The following ANKRD31 variants were observed in gnomAD, a reference collection of about 807,000 sequenced individuals.
ANKRD31 encodes the protein ankyrin repeat domain-containing protein 31.
A neutral mutation model predicts 186.0 loss-of-function variants in ANKRD31; 147 were observed. The ratio of observed to expected loss-of-function variants is 0.79; its 90% CI spans 0.69 to 0.91. The LOEUF is 0.91. Ranked by LOEUF, ANKRD31 falls within the 40% of genes least tolerant of loss-of-function variation. The probability of loss-of-function intolerance (pLI) is 0.00; values close to 1 mark genes in which losing one functional copy is unlikely to be tolerated. For missense variants in ANKRD31, 1,986 were observed against 2,148.8 expected (o/e 0.92, Z 1.50); for synonymous variants, 673 against 736.4 (o/e 0.91, Z 1.39).
Position 75,196,674 on chromosome 5 carries a change from T to C in ANKRD31, c.448-474A>G, listed in dbSNP as rs552752436. On this transcript the variant is annotated intron_variant, in intron 6 of 25. Transcript: ENST00000506364. ...TTTGTAGGAATAAGTAAATGTGGAG[T>C]AAAGAGGCCAAAGGACAAGAGGTCA... 2.0e-5 allele frequency among the ~76,000 whole-genome samples: 3 copies of C among 152,134 alleles called. No individual in the cohort carries two copies. In the East Asian group the frequency reaches 5.8e-4, roughly 29 times the overall value.
Position 75,141,621 on chromosome 5 carries a change from G to C in ANKRD31, c.3595+2380C>G, listed in dbSNP as rs575975704. On this transcript the variant is annotated intron_variant, in intron 15 of 25. Transcript: ENST00000506364. ...CCACTGCACTCCAGCCTGGGTGACA[G>C]AGCGAGACTCCGTTTCAAAAAAAGA... 1.8e-4 allele frequency among the ~76,000 whole-genome samples: 27 copies of C among 152,152 alleles called. No homozygotes were observed. The South Asian group carries it at 5.2e-3, about 29-fold the overall frequency.
At position 75,197,503 on chromosome 5, in the gene ANKRD31, A is replaced by G. The variant is rs574620575; in HGVS notation, c.448-1303T>C. On this transcript the variant is annotated intron_variant, in intron 6 of 25. Coordinates refer to ENST00000506364, the MANE Select transcript of ANKRD31 (RefSeq NM_001372053.1). ...TTTATTCTTCCTCCTGTCCTTTTCT[A>G]CCTGCCACCTTTATGTACTTTGTAT... Among the ~76,000 whole-genome samples the G allele has an allele frequency of 9.2e-5, 14 of 152,258 alleles. No individual in the cohort carries two copies. In the East Asian group the frequency reaches 2.7e-3, roughly 29 times the overall value.
intron 17 of ANKRD31, among the ~76,000 whole-genome samples, chr5:75,123,206 AAAAAT>A (rs1434730800): frequency 2.0e-5 from 3 of 152,058 alleles, no homozygotes; most frequent in African/African-American, 7.2e-5. Context: ...AATAGCTACA[AAAAAT>A]AAAATAAAAT....
At chr5:75,119,656 T>C (rs1458645935) in intron 17 of ANKRD31, among the ~76,000 whole-genome samples, 1 of 152,246 alleles carries the variant, frequency 6.6e-6, no homozygotes, top group Non-Finnish European at 1.5e-5. Flanking sequence ...CCAAGTTCTC[T>C]GAGAAATCTC....
At chr5:75,209,992 T>A (rs771097751) in intron 4 of ANKRD31, among the ~76,000 whole-genome samples, 4 of 152,174 alleles carry the variant, frequency 2.6e-5, no homozygotes, top group Non-Finnish European at 5.9e-5. Context: ...GTAAATACCA[T>A]GAAATAGGCA....
intron 11 of ANKRD31, among the ~76,000 whole-genome samples, chr5:75,163,402 C>T (rs111922992): frequency 2.0e-3 from 297 of 152,272 alleles, no homozygotes; most frequent in African/African-American, 5.7e-3. Flanking sequence ...CTGATCTGAA[C>T]GTGTGCTATT....
intron 17 of ANKRD31, among the ~76,000 whole-genome samples, chr5:75,126,228 G>A (rs1218817387): frequency 2.0e-5 from 3 of 152,120 alleles, no homozygotes; most frequent in African/African-American, 7.2e-5. Context: ...GATCACCTGA[G>A]GTCAGGAGTT....
At chr5:75,172,660 C>T (rs1753435863) in intron 10 of ANKRD31, among the ~76,000 whole-genome samples, 2 of 152,184 alleles carry the variant, frequency 1.3e-5, no homozygotes, top group African/African-American at 4.8e-5. Flanking sequence ...AATTCCTCGA[C>T]ACATACACCC....
At position 75,193,609 on chromosome 5, in the gene ANKRD31, C is replaced by T; in HGVS notation, c.1018-18G>A. On this transcript the variant is annotated intron_variant, in intron 7 of 25. Coordinates refer to ENST00000506364, the MANE Select transcript of ANKRD31 (RefSeq NM_001372053.1). ...TGCAGAGTCTGCAAATACGTAAATA[C>T]ATCCACAAAAAATTACAACACTGCA... 1 of 1,506,548 alleles carries T rather than the reference C, an allele frequency of 6.6e-7. No individual in the cohort carries two copies. The highest frequency in any genetic ancestry group is 8.8e-7 in the Non-Finnish European group (1 of 1,132,624). 93.3% of individuals were successfully genotyped at this position (1,506,548 alleles called of 1,614,324 possible).
intron 11 of ANKRD31, among the ~76,000 whole-genome samples, chr5:75,166,606 C>G (rs771765556): frequency 2.0e-5 from 3 of 152,180 alleles, no homozygotes; most frequent in Non-Finnish European, 4.4e-5. Context: ...TTCATTTCAA[C>G]ATCCCATACA....
chr5:75,186,089 G>A (rs1299724750), intron 10 of ANKRD31, among the ~76,000 whole-genome samples: 1 of 152,054 alleles, frequency 6.6e-6, no homozygotes, highest in African/African-American at 2.4e-5. Flanking sequence ...ATGTAACAGA[G>A]AATTTTCCTT....
intron 25 of ANKRD31, among the ~76,000 whole-genome samples, chr5:75,073,963 G>A (rs1284941994): frequency 1.3e-5 from 2 of 152,202 alleles, no homozygotes; most frequent in African/African-American, 4.8e-5. Context: ...TGAATGGCTA[G>A]TACAGCCATA....
At chr5:75,160,760 A>G (rs1752521249) in intron 11 of ANKRD31, among the ~76,000 whole-genome samples, 1 of 152,118 alleles carries the variant, frequency 6.6e-6, no homozygotes, top group African/African-American at 2.4e-5. Flanking sequence ...ACGCAGTGGG[A>G]GATAATTGAA....
At chr5:75,236,459 C>T in intron 1 of ANKRD31, 124 bp downstream of exon 1, 2 of 770,464 alleles carry the variant, frequency 2.6e-6, no homozygotes, top group Non-Finnish European at 4.0e-6. Flanking sequence ...CCCCACAAGG[C>T]TCTGATCCTG....
At chr5:75,214,431 G>A (rs111572994) in intron 3 of ANKRD31, among the ~76,000 whole-genome samples, 132 of 152,294 alleles carry the variant, frequency 8.7e-4, no homozygotes, top group African/African-American at 2.6e-3. Context: ...AGTAGCATCA[G>A]GGGTACCTAA....
intron 6 of ANKRD31, among the ~76,000 whole-genome samples, chr5:75,196,978 G>T (rs1755509379): frequency 6.6e-6 from 1 of 151,552 alleles, no homozygotes; most frequent in African/African-American, 2.4e-5. Context: ...TCAGCTCACT[G>T]CAACCTCTGC....
intron 22 of ANKRD31, among the ~76,000 whole-genome samples, chr5:75,097,891 C>T (rs1338557939): frequency 1.3e-5 from 2 of 152,138 alleles, no homozygotes; most frequent in Non-Finnish European, 2.9e-5. Context: ...GCCAGTTTTC[C>T]CAGAACCATT....
chr5:75,214,710 G>C (rs897707877), intron 3 of ANKRD31, among the ~76,000 whole-genome samples: 1 of 152,170 alleles, frequency 6.6e-6, no homozygotes, highest in African/African-American at 2.4e-5. Flanking sequence ...ATAGAAGATG[G>C]AGGCTGCAAA....
intron 17 of ANKRD31, among the ~76,000 whole-genome samples, chr5:75,131,217 A>AG (rs377287257): frequency 3.9e-5 from 6 of 152,300 alleles, no homozygotes; most frequent in Middle Eastern, 3.4e-3. Context: ...AACCCCAGAA[A>AG]GGGGCCCCCA....
Sources: gnomAD v4.1 joint callset for allele counts (sites outside exome capture counted in the v4.1 genomes callset) on GRCh38, gnomAD v4.1.1 for gene constraint, MANE v1.5 for transcripts, NCBI Gene and HGNC (gene_info 2026-07-23, HGNC 2026-07-21) for gene names.